The following FBN1 variants were observed in gnomAD, a reference collection of about 807,000 sequenced individuals.
FBN1 encodes the protein fibrillin-1.
In FBN1, 29 loss-of-function variants were observed where a neutral mutation model predicts 365.1. That is an observed-to-expected ratio of 0.08 (90% CI 0.06 to 0.11). The LOEUF is 0.11. FBN1 is among the 10% of genes least tolerant of loss of function. The pLI, the probability that FBN1 is intolerant of heterozygous loss-of-function variation, is 1.00. For missense variants in FBN1, 2,476 were observed against 3,703.2 expected, an observed-to-expected ratio of 0.67 and a Z score of 8.60; for synonymous variants, 1,210 against 1,270.5, an observed-to-expected ratio of 0.95 and a Z score of 1.01.
At chr15:48,476,794 T>C (rs2043422743) in intron 32 of FBN1, 1 of 163,180 alleles carries the variant, frequency 6.1e-6, no homozygotes, top group Non-Finnish European at 1.2e-5. Context: ...TTTTTTTTTT[T>C]TTTTTTGTAT....
intron 6 of FBN1, among the ~76,000 whole-genome samples, chr15:48,541,552 C>T (rs192790772): frequency 3.9e-4 from 60 of 152,228 alleles, no homozygotes; most frequent in Non-Finnish European, 7.6e-4. Flanking sequence ...TCCGATTTGG[C>T]GGCATGTGCT....
rs549604448 is a variant in FBN1, at chr15:48,411,108, C to T, written c.8498G>A (p.Ser2833Asn). 2 of 1,614,072 alleles carry T rather than the reference C, an allele frequency of 1.2e-6. No homozygotes were observed. Among genetic ancestry groups the T allele is most frequent in the South Asian group, 1.1e-5 (1 of 91,078 alleles). Reference protein sequence around the residue: ...VAGTYSLQISSTPLYKKKELN... With the variant: ...VAGTYSLQISNTPLYKKKELN... ...TTCTTTCTTTTTATAAAGTGGAGTA[C>T]TACTGATTTGTAATGAATAGGTTCC... The change falls in exon 66 of 66, where the codon AGT becomes AAT. Residue 2833 changes from serine (S) to asparagine (N), a missense_variant. Physicochemically the swap from Ser to Asn is conservative, Grantham distance 46. Around this residue, in one of 5 missense-constraint regions of FBN1, gnomAD observed 177 missense variants for 192.7 expected, o/e 0.92. Transcript: ENST00000316623.
intron 60 of FBN1, among the ~76,000 whole-genome samples, chr15:48,422,785 C>T (rs180865289): frequency 2.1e-3 from 326 of 152,252 alleles, no homozygotes; most frequent in African/African-American, 6.9e-3. Flanking sequence ...CATGGCAAAA[C>T]CTGTCTCTAG....
At chr15:48,556,646 C>T (rs958285699) in intron 6 of FBN1, among the ~76,000 whole-genome samples, 3 of 152,182 alleles carry the variant, frequency 2.0e-5, no homozygotes, top group Non-Finnish European at 4.4e-5. Flanking sequence ...GGCAGCTACT[C>T]CTCATAGTGA....
chr15:48,604,337 A>T (rs2044590193), intron 4 of FBN1, among the ~76,000 whole-genome samples: 1 of 152,236 alleles, frequency 6.6e-6, no homozygotes, highest in African/African-American at 2.4e-5. Context: ...TACTAGGAAA[A>T]GCACAGACAG....
At chr15:48,449,658 C>T (rs766176693) in intron 45 of FBN1, among the ~76,000 whole-genome samples, 5 of 152,136 alleles carry the variant, frequency 3.3e-5, no homozygotes, top group African/African-American at 4.8e-5. Context: ...TGCCAACTTA[C>T]GTCTCTAATT....
intron 6 of FBN1, among the ~76,000 whole-genome samples, chr15:48,594,584 T>A (rs1265562278): frequency 6.6e-6 from 1 of 152,208 alleles, no homozygotes; most frequent in African/African-American, 2.4e-5. Flanking sequence ...TCAGGACATT[T>A]CTTAATCTTG....
intron 8 of FBN1, among the ~76,000 whole-genome samples, chr15:48,531,786 A>G (rs1255602536): frequency 6.6e-6 from 1 of 152,174 alleles, no homozygotes; most frequent in Non-Finnish European, 1.5e-5. Context: ...AAGACAGGTC[A>G]ACCCTGTTCA....
In FBN1 at chr15:48,445,157, CAT is replaced by C. The variant is rs1023878846; in HGVS notation, c.5917+217_5917+218del. ...ATATACACACACACATATATATATACATATATATATACACACATATATATATG... is the reference window on the plus strand; with the variant it reads ...ATATACACACACACATATATATATACATATATATACACACATATATATATG... On this transcript the variant is annotated intron_variant, in intron 48 of 65. Coordinates refer to ENST00000316623, the MANE Select transcript of FBN1 (RefSeq NM_000138.5). 4.6e-4 allele frequency among the ~76,000 whole-genome samples: 62 copies of C among 135,272 alleles called. 1 individual carries two copies. The highest frequency in any genetic ancestry group is 2.4e-3 in the Admixed American group (31 of 13,176). The allele number at this position is 135,272 out of a possible 152,430, so 88.7% of individuals were successfully genotyped here.
chr15:48,620,443 G>A (rs1889745484), intron 2 of FBN1, among the ~76,000 whole-genome samples: 1 of 152,094 alleles, frequency 6.6e-6, no homozygotes, highest in Non-Finnish European at 1.5e-5. Flanking sequence ...CATTACTGTT[G>A]CATTATAATT....
At chr15:48,480,893 G>A (rs549837901) in intron 32 of FBN1, among the ~76,000 whole-genome samples, 1 of 152,166 alleles carries the variant, frequency 6.6e-6, no homozygotes, top group African/African-American at 2.4e-5. Context: ...ATTAATATAA[G>A]TAACTAGAGT....
At chr15:48,560,529 C>T (rs2044215313) in intron 6 of FBN1, among the ~76,000 whole-genome samples, 1 of 152,232 alleles carries the variant, frequency 6.6e-6, no homozygotes, top group South Asian at 2.1e-4. Context: ...TCCCCATCCC[C>T]TTGGTAGTTA....
At chr15:48,421,846 ATTTC>A (rs2042944970) in intron 61 of FBN1, 102 bp downstream of exon 61, 1 of 1,214,210 alleles carries the variant, frequency 8.2e-7, no homozygotes, top group South Asian at 1.2e-5. Context: ...GCACTCATAT[ATTTC>A]TTTGAGCTTT....
Position 48,490,518 on chromosome 15 carries a change from C to T in FBN1, c.2855-440G>A, listed in dbSNP as rs2043549226. On this transcript the variant is annotated intron_variant, in intron 24 of 65. Transcript: ENST00000316623. ...CTAGTGCAATCACCTTTTCCTCCGA[C>T]CCACTTCATTTTTGGAAAGGTGGAA... Among the ~76,000 whole-genome samples the T allele has an allele frequency of 2.0e-5, 3 of 152,154 alleles. No homozygotes were observed. The South Asian group carries it at 6.2e-4, about 32-fold the overall frequency.
intron 6 of FBN1, among the ~76,000 whole-genome samples, chr15:48,545,843 A>G (rs1364255409): frequency 6.6e-6 from 1 of 152,080 alleles, no homozygotes; most frequent in Non-Finnish European, 1.5e-5. Context: ...GCAACACAGC[A>G]AAACCCCATC....
At chr15:48,637,714 T>C (rs1176578723) in intron 2 of FBN1, among the ~76,000 whole-genome samples, 1 of 152,226 alleles carries the variant, frequency 6.6e-6, no homozygotes, top group Non-Finnish European at 1.5e-5. Flanking sequence ...CTATTGAACA[T>C]GTGCCGCATA....
At chr15:48,511,104 CTGAGTA>C (rs2043755413) in intron 13 of FBN1, among the ~76,000 whole-genome samples, 1 of 152,164 alleles carries the variant, frequency 6.6e-6, no homozygotes, top group Non-Finnish European at 1.5e-5. Context: ...TCACATTTGT[CTGAGTA>C]TAAGTGCCCT....
chr15:48,428,279 A>G, intron 57 of FBN1, 67 bp downstream of exon 57: 20 of 1,579,454 alleles, frequency 1.3e-5, no homozygotes, highest in Non-Finnish European at 1.7e-5. Flanking sequence ...TTAAATAAGA[A>G]GTCTGGGTTT....
At chr15:48,417,567 T>C (rs1597510926) in intron 63 of FBN1, among the ~76,000 whole-genome samples, 2 of 151,942 alleles carry the variant, frequency 1.3e-5, no homozygotes, top group East Asian at 1.9e-4. Context: ...TGTCTGAAAA[T>C]CTTTTGTATC....
Sources: gnomAD v4.1 joint callset for allele counts (sites outside exome capture counted in the v4.1 genomes callset) on GRCh38, gnomAD v4.1.1 for gene constraint, gnomAD v4.1.1 regional missense constraint, MANE v1.5 for transcripts, NCBI Gene and HGNC (gene_info 2026-07-23, HGNC 2026-07-21) for gene names.